Variants in MYH3 observed in about 807,000 individuals in gnomAD.
The protein encoded by MYH3 is myosin heavy chain 3, also known as myosin-3.
Under a neutral mutation model 238.0 loss-of-function variants are expected in MYH3, and 130 were observed. The observed-to-expected ratio is 0.55, with a 90% confidence interval of 0.47 to 0.63. The LOEUF is 0.63. Among genes scored for constraint, MYH3 ranks in the 30% least tolerant of loss-of-function variants. MYH3 has a pLI of 0.00. For missense variants in MYH3, 1,853 were observed against 2,374.9 expected, an observed-to-expected ratio of 0.78 and a Z score of 4.57; for synonymous variants, 880 against 924.1, an observed-to-expected ratio of 0.95 and a Z score of 0.86.
chr17:10,648,719 A>G, intron 7 of MYH3, 70 bp from the exon 8 acceptor site: 2 of 1,343,628 alleles, frequency 1.5e-6, no homozygotes, highest in South Asian at 1.2e-5. Context: ...CTTGTTGCCC[A>G]GGCTGCAGTG....
Position 10,652,480 on chromosome 17 carries a change from G to T in MYH3, c.288C>A (p.His96Gln), listed in dbSNP as rs755880674. 1 of 1,614,084 alleles carries T rather than the reference G, an allele frequency of 6.2e-7. No individual in the cohort carries two copies. Among genetic ancestry groups the T allele is most frequent in the South Asian group, 1.1e-5 (1 of 91,084 alleles). The change falls in exon 4 of 41, where the codon CAC (histidine) becomes CAA (glutamine). Residue 96 changes from histidine (H) to glutamine (Q), a missense_variant. Coordinates refer to ENST00000583535, the MANE Select transcript of MYH3 (RefSeq NM_002470.4). ...TGTACAGCACGGCTGGCTCATTCAG[G>T]TGCGTCAGCATGGCCATGTCTTCGA... is the stretch of plus-strand genomic sequence containing the variant. ...DRIEDMAMLT[H>Q]LNEPAVLYNL...
intron 12 of MYH3, 29 bp from the exon 13 acceptor site, chr17:10,644,731 A>G: frequency 2.0e-6 from 3 of 1,537,088 alleles, no homozygotes; most frequent in Non-Finnish European, 1.8e-6. Flanking sequence ...CAGTGCTTAG[A>G]AAAGTAGAAG....
At position 10,632,881 on chromosome 17, in the gene MYH3, A is replaced by C. The variant is rs111656615; in HGVS notation, c.4648-97T>G. 17 of 1,283,128 alleles carry C rather than the reference A, an allele frequency of 1.3e-5. 1 individual carries two copies. Among genetic ancestry groups the C allele is most frequent in the African/African-American group, 1.2e-4 (8 of 68,800 alleles). 79.5% of individuals were successfully genotyped at this position (1,283,128 alleles called of 1,614,324 possible). Reference sequence around the variant, plus strand: ...ACAAAACTTCAATGGAATAGTCCTAAATCTAATCCTACAATAGTCACAATT... The same window carrying C: ...ACAAAACTTCAATGGAATAGTCCTACATCTAATCCTACAATAGTCACAATT... On this transcript the variant is annotated intron_variant, in intron 33 of 40. Transcript: ENST00000583535.
At chr17:10,677,902 G>C in the MYH3 span, 1 of 152,260 alleles carries the variant, frequency 6.6e-6, no homozygotes, top group African/African-American at 2.4e-5. Flanking sequence ...GATCACCTGA[G>C]GTCGGGAGTT....
Position 10,635,358 on chromosome 17 carries a change from G to T in MYH3, c.4172+9C>A. The T allele has an allele frequency of 6.2e-7, 1 of 1,614,012 alleles. No individual in the cohort carries two copies. The highest frequency in any genetic ancestry group is 8.5e-7 in the Non-Finnish European group (1 of 1,179,880). On this transcript the variant is annotated intron_variant, in intron 30 of 40. Transcript: ENST00000583535. ...AGTAGTTCTTCTAAAAGCAAACAGA[G>T]CTGCGCACTTGGCCTCCTCCAGCTC...
intron 25 of MYH3, 23 bp from the exon 26 acceptor site, chr17:10,638,986 C>CA: frequency 1.2e-6 from 2 of 1,614,068 alleles, no homozygotes; most frequent in South Asian, 2.2e-5. Context: ...ATGTAGAATG[C>CA]ATGAAGACAA....
At chr17:10,630,994 C>T (rs2074150771) in intron 36 of MYH3, among the ~76,000 whole-genome samples, 1 of 152,238 alleles carries the variant, frequency 6.6e-6, no homozygotes, top group African/African-American at 2.4e-5. Flanking sequence ...ACTTTAGCGA[C>T]AGGCTGGGAA....
At chr17:10,629,761 A>T in intron 39 of MYH3, 27 bp from the exon 40 acceptor site, 2 of 1,614,202 alleles carry the variant, frequency 1.2e-6, no homozygotes, top group African/African-American at 1.3e-5. Flanking sequence ...CAGGCAGGTT[A>T]TATCAGCACG....
chr17:10,668,185 A>G, the MYH3 span, among the ~76,000 whole-genome samples: 1 of 152,242 alleles, frequency 6.6e-6, no homozygotes, highest in African/African-American at 2.4e-5. Flanking sequence ...ACCTGAGGTC[A>G]GGAGTTTGAG....
At chr17:10,649,493 G>A in intron 7 of MYH3, 84 bp downstream of exon 7, 1 of 1,049,344 alleles carries the variant, frequency 9.5e-7, no homozygotes. Flanking sequence ...AGGGGGGAAT[G>A]TGAGGACATT....
rs2142398325 is a variant in MYH3 at position 10,639,408 on chromosome 17, T to C, written c.2992A>G (p.Lys998Glu). Residue 998 changes from lysine to glutamate, a missense_variant, in exon 24 of 41, where the codon AAG (lysine) becomes GAG (glutamate). This residue lies in a region of MYH3 where 1,044 missense variants were observed against 1,192.6 expected (regional missense o/e 0.88). Coordinates refer to ENST00000583535, the MANE Select transcript of MYH3 (RefSeq NM_002470.4). ...ETIAKLTREK[K>E]ALQEAHQQAL... ...TGCTGGTGCGCCTCTTGGAGGGCCT[T>C]CTTCTCTCTGGTTAACTTTGCAATT... 2 of 1,614,150 alleles carry C rather than the reference T, an allele frequency of 1.2e-6. No individual in the cohort carries two copies. The highest frequency in any genetic ancestry group is 1.1e-5 in the South Asian group (1 of 91,072).
Position 10,632,543 on chromosome 17 carries a change from A to T in MYH3, c.4889T>A (p.Leu1630Gln). The change falls in exon 34 of 41, where the codon CTG (leucine) becomes CAG (glutamine). Residue 1630 changes from leucine (L) to glutamine (Q), a missense_variant. Physicochemically the swap from Leu to Gln is moderately radical, Grantham distance 113 (BLOSUM62 -2). This residue lies in a region of MYH3 where 1,044 missense variants were observed against 1,192.6 expected (regional missense o/e 0.88). Coordinates refer to ENST00000583535, the MANE Select transcript of MYH3 (RefSeq NM_002470.4). The part of the protein sequence containing the change: ...EGDLNEIEIQ[L>Q]SHANRQAAET... Reference sequence around the variant, plus strand: ...CGCCGCCTGGCGGTTGGCGTGGCTCAGCTGGATCTCGATTTCATTCAGGTC... The same window carrying T: ...CGCCGCCTGGCGGTTGGCGTGGCTCTGCTGGATCTCGATTTCATTCAGGTC... The T allele has an allele frequency of 6.2e-7, 1 of 1,614,186 alleles. No individual in the cohort carries two copies. Among genetic ancestry groups the T allele is most frequent in the Non-Finnish European group, 8.5e-7 (1 of 1,180,050 alleles).
At position 10,647,374 on chromosome 17, in the gene MYH3, T is replaced by A; in HGVS notation, c.788A>T (p.Asp263Val). The change falls in exon 9 of 41, where the codon GAT (aspartate) becomes GTT (valine). Residue 263 changes from aspartate (D) to valine (V), a missense_variant. Asp to Val is a radical substitution (Grantham distance 152, BLOSUM62 -3). Transcript: ENST00000583535. The part of the protein sequence containing the change: ...FGTTGKLASA[D>V]IETYLLEKSR... ...ATGGATCTACTTACAAGTTTCAATA[T>A]CTGCAGAGGCCAGCTTCCCAGTGGT... The A allele has an allele frequency of 6.2e-7, 1 of 1,614,242 alleles. No homozygotes were observed. Among genetic ancestry groups the A allele is most frequent in the Non-Finnish European group, 8.5e-7 (1 of 1,180,034 alleles).
chr17:10,651,222 C>T (rs990714482), intron 5 of MYH3, among the ~76,000 whole-genome samples: 2 of 148,950 alleles, frequency 1.3e-5, no homozygotes, highest in Non-Finnish European at 1.5e-5. Context: ...GGCTTCTCAT[C>T]GTTCTTGCTG....
intron 2 of MYH3, among the ~76,000 whole-genome samples, chr17:10,655,767 TCA>T (rs1428467391): frequency 1.3e-5 from 2 of 152,140 alleles, no homozygotes; most frequent in Non-Finnish European, 2.9e-5. Flanking sequence ...TACTCCTGCC[TCA>T]GTCTCTTGAG....
In MYH3 at chr17:10,629,705, T is replaced by G. The variant is rs1180221563; in HGVS notation, c.5688A>C (p.Lys1896Asn). The change falls in exon 40 of 41, where the codon AAA becomes AAC. Residue 1896 changes from lysine (K) to asparagine (N), a missense_variant. This residue lies in a region of MYH3 where 1,044 missense variants were observed against 1,192.6 expected (regional missense o/e 0.88). Coordinates refer to ENST00000583535, the MANE Select transcript of MYH3 (RefSeq NM_002470.4). ...ADEQANAHLT[K>N]FRKAQHELEE... ...CCAGCTCATGCTGAGCCTTTCGGAA[T>G]TTGGTGAGATGAGCATTGGCTTGTT... 1 of 1,614,110 alleles carries G rather than the reference T, an allele frequency of 6.2e-7. No homozygotes were observed. Among genetic ancestry groups the G allele is most frequent in the East Asian group, 2.2e-5 (1 of 44,888 alleles).
the MYH3 span, among the ~76,000 whole-genome samples, chr17:10,663,145 T>C: frequency 6.6e-6 from 1 of 152,100 alleles, no homozygotes; most frequent in Non-Finnish European, 1.5e-5. Context: ...ATAAATCTTA[T>C]TGGACATTTT....
At chr17:10,667,252 A>C in the MYH3 span, among the ~76,000 whole-genome samples, 1 of 152,370 alleles carries the variant, frequency 6.6e-6, no homozygotes, top group South Asian at 2.1e-4. Context: ...AAATACTAAA[A>C]TACTGTGAGC....
chr17:10,670,722 A>AC, the MYH3 span, among the ~76,000 whole-genome samples: 4 of 151,972 alleles, frequency 2.6e-5, no homozygotes, highest in Admixed American at 6.6e-5. This position sits in a 1 kb window ranked among gnomAD's most constrained non-coding sequence, Gnocchi z 7.0. Flanking sequence ...AGGTTTGGGT[A>AC]TTTTTTGTGC....
Sources: gnomAD v4.1 joint callset for allele counts (sites outside exome capture counted in the v4.1 genomes callset) on GRCh38, gnomAD v4.1.1 for gene constraint, gnomAD v4.1.1 regional missense constraint, Gnocchi (gnomAD v3.1) non-coding constraint, MANE v1.5 for transcripts, NCBI Gene and HGNC (gene_info 2026-07-23, HGNC 2026-07-21) for gene names.